Variants in TUBGCP3 observed in about 807,000 individuals in gnomAD.
TUBGCP3 encodes the protein gamma-tubulin complex component 3.
In TUBGCP3, 50 loss-of-function variants were observed where a neutral mutation model predicts 123.1. The observed-to-expected ratio is 0.41, with a 90% CI of 0.32 to 0.51. The LOEUF (loss-of-function observed/expected upper bound fraction) is 0.51. Among genes scored for constraint, TUBGCP3 ranks in the 20% least tolerant of loss-of-function variants. The pLI, the probability that TUBGCP3 is intolerant of heterozygous loss-of-function variation, is 0.36. For synonymous variants in TUBGCP3, 405 were observed against 413.9 expected, an observed-to-expected ratio of 0.98 and a Z score of 0.26; for missense variants, 882 against 1,127.0, an observed-to-expected ratio of 0.78 and a Z score of 3.11.
At chr13:112,526,597 C>T (rs371763644) in intron 13 of TUBGCP3, among the ~76,000 whole-genome samples, 6 of 136,710 alleles carry the variant, frequency 4.4e-5, no homozygotes, top group African/African-American at 1.2e-4. Context: ...CACATCATCA[C>T]CATCATCATC....
Position 112,588,084 on chromosome 13 carries a change from T to A in TUBGCP3, c.-104A>T. 1 of 1,044,880 alleles carries A rather than the reference T, an allele frequency of 9.6e-7. No individual in the cohort carries two copies. The highest frequency in any genetic ancestry group is 1.3e-6 in the Non-Finnish European group (1 of 791,190). 64.7% of individuals were successfully genotyped at this position (1,044,880 alleles called of 1,614,324 possible). ...TTCCTGCGCCCCGCAAGCTCCCTGC[T>A]CCTGACAGGCTAAGGCGCGGGCGCC... is the stretch of plus-strand genomic sequence containing the variant. On this transcript the variant is annotated 5_prime_UTR_variant, in exon 1 of 22. Coordinates refer to ENST00000261965, the MANE Select transcript of TUBGCP3 (RefSeq NM_006322.6).
Position 112,559,550 on chromosome 13 carries a change from A to G in TUBGCP3, c.253-151T>C, listed in dbSNP as rs1880326509. The G allele has an allele frequency of 1.4e-5, 9 of 653,366 alleles. No homozygotes were observed. In the South Asian group the frequency reaches 2.5e-4, roughly 18 times the overall value. The allele number at this position is 653,366 out of a possible 1,614,324, so 40.5% of individuals were successfully genotyped here. ...CTAACAATTCATAAGTATTTTCAAC[A>G]GTGCCACCCATCCGAAGGCGGAAGC... On this transcript the variant is annotated intron_variant, in intron 3 of 21. Transcript: ENST00000261965.
At chr13:112,522,544 A>G (rs777978379) in intron 13 of TUBGCP3, 35 bp from the exon 14 acceptor site, 2 of 1,578,044 alleles carry the variant, frequency 1.3e-6, no homozygotes, top group Admixed American at 3.4e-5. Flanking sequence ...ACACATGCAT[A>G]TGTAATTTGT....
chr13:112,556,334 T>G, intron 5 of TUBGCP3, 110 bp from the exon 6 acceptor site: 2 of 1,060,568 alleles, frequency 1.9e-6, no homozygotes, highest in Non-Finnish European at 2.7e-6. Context: ...AATTTATAAA[T>G]CTGGTATAGC....
At chr13:112,584,767 AAAG>A (rs776278177) in intron 1 of TUBGCP3, among the ~76,000 whole-genome samples, 4 of 152,366 alleles carry the variant, frequency 2.6e-5, no homozygotes, top group South Asian at 4.1e-4. Flanking sequence ...GTAGCTATGA[AAAG>A]AAGTGTTACC....
chr13:112,572,965 A>G (rs1881533155), intron 1 of TUBGCP3, among the ~76,000 whole-genome samples: 1 of 152,076 alleles, frequency 6.6e-6, no homozygotes, highest in Non-Finnish European at 1.5e-5. Context: ...TGTCCTCCAC[A>G]AGGAAGCTCA....
intron 3 of TUBGCP3, 39 bp downstream of exon 3, chr13:112,565,072 A>G (rs113157783): frequency 0.022 from 35,148 of 1,572,530 alleles, 595 homozygotes; most frequent in Middle Eastern, 0.047. Flanking sequence ...TCATATCCTC[A>G]ACAATGAGTG....
intron 1 of TUBGCP3, among the ~76,000 whole-genome samples, chr13:112,570,127 C>T (rs374359818): frequency 2.6e-5 from 4 of 152,132 alleles, no homozygotes; most frequent in South Asian, 2.1e-4. Context: ...AGACAACCAC[C>T]GAGACCCGCC....
chr13:112,533,199 C>A (rs116573859), intron 11 of TUBGCP3, among the ~76,000 whole-genome samples: 1 of 152,218 alleles, frequency 6.6e-6, no homozygotes, highest in South Asian at 2.1e-4. Context: ...AGGAAGTCCC[C>A]GAGGAATAGC....
intron 1 of TUBGCP3, among the ~76,000 whole-genome samples, chr13:112,583,172 A>G (rs368181576): frequency 2.0e-5 from 3 of 152,376 alleles, no homozygotes; most frequent in South Asian, 4.1e-4. Context: ...CTACCACAGT[A>G]TAAGCACAAC....
At chr13:112,549,185 G>A (rs1323528654) in intron 8 of TUBGCP3, among the ~76,000 whole-genome samples, 2 of 152,174 alleles carry the variant, frequency 1.3e-5, no homozygotes, top group Admixed American at 1.3e-4. Flanking sequence ...GTCCTTTGTA[G>A]GGACGTGGAT....
In TUBGCP3 at chr13:112,545,545, C is replaced by A; in HGVS notation, c.1335+154G>T. The A allele has an allele frequency of 1.3e-6, 1 of 780,730 alleles. No individual in the cohort carries two copies. The highest frequency in any genetic ancestry group is 2.0e-6 in the Non-Finnish European group (1 of 492,112). The allele number at this position is 780,730 out of a possible 1,614,324, so 48.4% of individuals were successfully genotyped here. On this transcript the variant is annotated intron_variant, in intron 11 of 21. Coordinates refer to ENST00000261965, the MANE Select transcript of TUBGCP3 (RefSeq NM_006322.6). The surrounding 1 kb of genome is among the most constrained non-coding windows in gnomAD (Gnocchi z 4.1). ...GCTGTTCAGTGAGATAACCAGCTGT[C>A]GAGGCACTGTGTAAAATGTATATGG... is the stretch of plus-strand genomic sequence containing the variant.
intron 20 of TUBGCP3, among the ~76,000 whole-genome samples, chr13:112,491,446 C>T (rs959304856): frequency 6.6e-6 from 1 of 152,168 alleles, no homozygotes; most frequent in Admixed American, 6.5e-5. Flanking sequence ...GCCCACACTG[C>T]GTGGTCCTCA....
At chr13:112,514,898 G>C (rs867457758) in intron 17 of TUBGCP3, among the ~76,000 whole-genome samples, 1 of 152,136 alleles carries the variant, frequency 6.6e-6, no homozygotes, top group African/African-American at 2.4e-5. Flanking sequence ...TACATGTCCA[G>C]GCAAAGAGAA....
chr13:112,496,751 C>T (rs1880553040), intron 20 of TUBGCP3, among the ~76,000 whole-genome samples: 1 of 152,062 alleles, frequency 6.6e-6, no homozygotes, highest in Non-Finnish European at 1.5e-5. Context: ...CTTTGGGAGG[C>T]CGAGGCGGGC....
intron 11 of TUBGCP3, among the ~76,000 whole-genome samples, chr13:112,531,045 G>A (rs1358952029): frequency 6.6e-6 from 1 of 151,956 alleles, no homozygotes; most frequent in Non-Finnish European, 1.5e-5. Flanking sequence ...ATTTTCCCAG[G>A]GCAACCAACC....
rs117992319 is a variant in TUBGCP3 at position 112,544,920 on chromosome 13, G to A, written c.1335+779C>T. 2.6e-5 allele frequency: 4 copies of A among 152,352 alleles called. No individual in the cohort carries two copies. The East Asian group carries it at 7.7e-4, about 29-fold the overall frequency. 9.4% of individuals were successfully genotyped at this position (152,352 alleles called of 1,614,324 possible). A position where few individuals can be genotyped will look rare whatever the true frequency, so the allele number is the denominator to read the frequency against. ...TGCTTATTTGCAATTTCATCCATGAGAAACGGCAGGAGAACACAGGCCACT... is the reference window on the plus strand; with the variant it reads ...TGCTTATTTGCAATTTCATCCATGAAAAACGGCAGGAGAACACAGGCCACT... On this transcript the variant is annotated intron_variant, in intron 11 of 21. Coordinates refer to ENST00000261965, the MANE Select transcript of TUBGCP3 (RefSeq NM_006322.6).
intron 1 of TUBGCP3, chr13:112,587,243 T>C (rs1013638153): frequency 6.6e-6 from 1 of 152,242 alleles, no homozygotes; most frequent in African/African-American, 2.4e-5. Flanking sequence ...ATAGGATTAG[T>C]TTTGCTTATT....
chr13:112,552,979 G>A (rs1358271993), intron 8 of TUBGCP3, among the ~76,000 whole-genome samples: 1 of 142,824 alleles, frequency 7.0e-6, no homozygotes, highest in Non-Finnish European at 1.5e-5. Flanking sequence ...CACACTACTC[G>A]CCTACTCACC....
Sources: allele counts gnomAD v4.1 joint callset (sites outside exome capture counted in the v4.1 genomes callset), GRCh38; gene constraint gnomAD v4.1.1; non-coding constraint Gnocchi (gnomAD v3.1); transcripts MANE v1.5; gene names NCBI Gene and HGNC (gene_info 2026-07-23, HGNC 2026-07-21).